The following AMPH variants were observed in gnomAD, a reference collection of about 807,000 sequenced individuals.
AMPH encodes the protein amphiphysin (Stiff-Mann syndrome with breast cancer 128kD autoantigen).
A neutral mutation model predicts 99.1 loss-of-function variants in AMPH; 49 were observed. That is an observed-to-expected ratio of 0.49 (90% CI 0.39 to 0.63). The LOEUF is 0.63. AMPH is among the 20% of genes least tolerant of loss of function. AMPH has a pLI of 0.00. For missense variants in AMPH, 759 were observed against 863.4 expected (o/e 0.88, Z 1.52); for synonymous variants, 314 against 317.3 (o/e 0.99, Z 0.11).
At chr7:38,492,741 A>C (rs1788772038) in intron 4 of AMPH, among the ~76,000 whole-genome samples, 1 of 152,208 alleles carries the variant, frequency 6.6e-6, no homozygotes, top group African/African-American at 2.4e-5. Flanking sequence ...GTAGGATAAC[A>C]GTCATTTCCT....
intron 19 of AMPH, among the ~76,000 whole-genome samples, chr7:38,390,949 G>T (rs186162862): frequency 2.9e-4 from 42 of 146,520 alleles, no homozygotes; most frequent in African/African-American, 9.1e-4. Context: ...TTCTAATGGA[G>T]AGAGACAAAG....
intron 2 of AMPH, among the ~76,000 whole-genome samples, chr7:38,506,027 T>C (rs888685254): frequency 6.6e-6 from 1 of 152,168 alleles, no homozygotes; most frequent in African/African-American, 2.4e-5. Flanking sequence ...ACTTTCAAGC[T>C]GAAGCTATAA....
intron 1 of AMPH, among the ~76,000 whole-genome samples, chr7:38,602,246 C>T (rs1260175689): frequency 6.6e-6 from 1 of 152,210 alleles, no homozygotes; most frequent in Non-Finnish European, 1.5e-5. Context: ...CTCAGAGCCT[C>T]CTCCACCTCA....
chr7:38,628,224 T>C (rs1455264928), intron 1 of AMPH, among the ~76,000 whole-genome samples: 1 of 152,218 alleles, frequency 6.6e-6, no homozygotes, highest in Admixed American at 6.5e-5. Flanking sequence ...ATGAAATTAA[T>C]CATGAACAAA....
At chr7:38,406,717 T>TCTCCTC (rs1554331323) in intron 17 of AMPH, among the ~76,000 whole-genome samples, 1 of 118,748 alleles carries the variant, frequency 8.4e-6, no homozygotes, top group African/African-American at 2.9e-5. Context: ...TCCTCTCCTC[T>TCTCCTC]CTCTCTCCCT....
intron 1 of AMPH, among the ~76,000 whole-genome samples, chr7:38,571,411 T>C (rs192323330): frequency 0.064 from 4,310 of 67,678 alleles, 128 homozygotes; most frequent in Non-Finnish European, 0.092. Flanking sequence ...ATATAGAATA[T>C]ATATATTTAT....
At chr7:38,505,608 C>A (rs1789295076) in intron 2 of AMPH, among the ~76,000 whole-genome samples, 1 of 151,974 alleles carries the variant, frequency 6.6e-6, no homozygotes, top group African/African-American at 2.4e-5. Flanking sequence ...GAAAATAAAG[C>A]AAATCATGGT....
At chr7:38,490,989 A>T in intron 5 of AMPH, 61 bp downstream of exon 5, 1 of 1,055,376 alleles carries the variant, frequency 9.5e-7, no homozygotes, top group Non-Finnish European at 1.4e-6. Context: ...TCTCTTGCCC[A>T]TGTTTCAATA....
At chr7:38,441,757 A>ATGATATATATCATATATC (rs1554336822) in intron 11 of AMPH, among the ~76,000 whole-genome samples, 48 of 113,450 alleles carry the variant, frequency 4.2e-4, no homozygotes, top group Admixed American at 1.2e-3. Flanking sequence ...TATCATATAT[A>ATGATATATATCATATATC]TATCATATAT....
intron 1 of AMPH, among the ~76,000 whole-genome samples, chr7:38,618,991 G>A (rs1489270136): frequency 6.6e-6 from 1 of 152,170 alleles, no homozygotes; most frequent in African/African-American, 2.4e-5. Flanking sequence ...ACAACATTTA[G>A]ATTCAAAGAC....
At chr7:38,579,226 T>C (rs1220650131) in intron 1 of AMPH, among the ~76,000 whole-genome samples, 2 of 152,192 alleles carry the variant, frequency 1.3e-5, no homozygotes, top group African/African-American at 4.8e-5. Context: ...AGCTGTTCTG[T>C]AGTGTGCAGT....
At chr7:38,540,347 T>C (rs967827270) in intron 1 of AMPH, among the ~76,000 whole-genome samples, 2 of 152,068 alleles carry the variant, frequency 1.3e-5, no homozygotes, top group Non-Finnish European at 1.5e-5. Flanking sequence ...TTCCTTTCAG[T>C]GAGATTCTGA....
At chr7:38,437,625 C>CAAA (rs70977404) in intron 11 of AMPH, among the ~76,000 whole-genome samples, 56 of 94,754 alleles carry the variant, frequency 5.9e-4, no homozygotes, top group Non-Finnish European at 8.2e-4. Flanking sequence ...ACTAAAAATA[C>CAAA]AAAAAAAAAA....
intron 7 of AMPH, among the ~76,000 whole-genome samples, chr7:38,468,942 C>G (rs1787771543): frequency 7.8e-6 from 1 of 128,076 alleles, no homozygotes; most frequent in South Asian, 2.8e-4. Flanking sequence ...ATCACGAGGT[C>G]AGGAGATCGA....
At chr7:38,429,345 G>A (rs759167622) in intron 14 of AMPH, 270 of 1,289,290 alleles carry the variant, frequency 2.1e-4, no homozygotes, top group Admixed American at 5.5e-4. Context: ...GTCAGCAGAC[G>A]AAAGCAGGCT....
intron 17 of AMPH, among the ~76,000 whole-genome samples, chr7:38,410,740 GT>G (rs749997572): frequency 1.3e-5 from 2 of 152,228 alleles, no homozygotes; most frequent in Non-Finnish European, 2.9e-5. Flanking sequence ...CATGCAGTTA[GT>G]TCCCCATATT....
At chr7:38,552,591 G>C (rs1053214362) in intron 1 of AMPH, among the ~76,000 whole-genome samples, 2 of 152,058 alleles carry the variant, frequency 1.3e-5, no homozygotes, top group African/African-American at 4.8e-5. Flanking sequence ...CTCCAATCAG[G>C]GTCCTGAAGA....
At position 38,598,556 on chromosome 7, in the gene AMPH, G is replaced by T. The variant is rs370250296; in HGVS notation, c.69+32727C>A. Reference sequence around the variant, plus strand: ...TGACCTCGTGATCCACCTGCCTCGGGCTCCCAAAGTGCTGGGATTACAGGC... The same window carrying T: ...TGACCTCGTGATCCACCTGCCTCGGTCTCCCAAAGTGCTGGGATTACAGGC... On this transcript the variant is annotated intron_variant, in intron 1 of 20. Transcript: ENST00000356264. Among the ~76,000 whole-genome samples, 3 of 152,066 alleles carry T rather than the reference G, an allele frequency of 2.0e-5. No homozygotes were observed. In the East Asian group the frequency reaches 5.8e-4, roughly 30 times the overall value.
intron 11 of AMPH, among the ~76,000 whole-genome samples, chr7:38,452,621 G>T (rs1046009783): frequency 6.6e-6 from 1 of 152,196 alleles, no homozygotes; most frequent in African/African-American, 2.4e-5. Flanking sequence ...GTTATGAATG[G>T]TCAGTCATAG....
Sources: gnomAD v4.1 joint callset for allele counts (sites outside exome capture counted in the v4.1 genomes callset) on GRCh38, gnomAD v4.1.1 for gene constraint, MANE v1.5 for transcripts, NCBI Gene and HGNC (gene_info 2026-07-23, HGNC 2026-07-21) for gene names.